Variants in CYB5B observed in about 807,000 individuals in gnomAD.
CYB5B encodes cytochrome b5 type B.
Under a neutral mutation model 21.3 loss-of-function variants are expected in CYB5B, and 14 were observed. The ratio of observed to expected loss-of-function variants is 0.66; its 90% confidence interval spans 0.43 to 1.03. CYB5B has a LOEUF of 1.03. Ranked by LOEUF, CYB5B falls within the 50% of genes least tolerant of loss-of-function variation. The pLI, the probability that CYB5B is intolerant of heterozygous loss-of-function variation, is 0.00. For synonymous variants in CYB5B, 69 were observed against 68.4 expected, an observed-to-expected ratio of 1.01 and a Z score of -0.04; for missense variants, 166 against 185.1, an observed-to-expected ratio of 0.90 and a Z score of 0.60.
chr16:69,444,457 G>T (rs986632708), intron 1 of CYB5B, among the ~76,000 whole-genome samples: 5 of 152,184 alleles, frequency 3.3e-5, no homozygotes, highest in Non-Finnish European at 5.9e-5. Context: ...AACTCCTCCA[G>T]CTGGGCTGCC....
chr16:69,433,007 G>A (rs1044349061), intron 1 of CYB5B, among the ~76,000 whole-genome samples: 15 of 151,972 alleles, frequency 9.9e-5, no homozygotes, highest in Non-Finnish European at 1.8e-4. Flanking sequence ...CGTGTTGGCC[G>A]GGCTGGTCTC....
At chr16:69,426,092 A>G (rs1162410009) in intron 1 of CYB5B, among the ~76,000 whole-genome samples, 1 of 152,200 alleles carries the variant, frequency 6.6e-6, no homozygotes, top group Non-Finnish European at 1.5e-5. Context: ...GGTGTATGGC[A>G]TTTTATGCTT....
At chr16:69,435,684 C>T (rs558742920) in intron 1 of CYB5B, among the ~76,000 whole-genome samples, 2 of 152,134 alleles carry the variant, frequency 1.3e-5, no homozygotes, top group African/African-American at 4.8e-5. Context: ...GTCTCCCAGG[C>T]TGGAGTGCAG....
At chr16:69,436,280 A>G (rs2014759353) in intron 1 of CYB5B, among the ~76,000 whole-genome samples, 1 of 152,196 alleles carries the variant, frequency 6.6e-6, no homozygotes, top group African/African-American at 2.4e-5. Flanking sequence ...AAAGATATTA[A>G]ATAAATAATT....
intron 3 of CYB5B, chr16:69,448,460 ATTATG>A (rs1415813145): frequency 3.2e-6 from 1 of 312,194 alleles, no homozygotes; most frequent in Non-Finnish European, 5.9e-6. Flanking sequence ...TTACTTTTAC[ATTATG>A]TAGGACAAGT....
At chr16:69,459,793 C>T in intron 4 of CYB5B, among the ~76,000 whole-genome samples, 1 of 151,816 alleles carries the variant, frequency 6.6e-6, no homozygotes, top group Non-Finnish European at 1.5e-5. Context: ...CTTTTTTTCC[C>T]ATAAAGTATC....
intron 3 of CYB5B, among the ~76,000 whole-genome samples, chr16:69,456,775 A>G (rs1022896362): frequency 2.0e-5 from 3 of 152,178 alleles, no homozygotes; most frequent in African/African-American, 4.8e-5. Flanking sequence ...ACTGGGGGGA[A>G]CTGTGCCTAG....
chr16:69,427,068 C>T (rs185001), intron 1 of CYB5B, among the ~76,000 whole-genome samples: 54,128 of 151,788 alleles, frequency 0.36, 10,623 homozygotes, highest in Admixed American at 0.46. Flanking sequence ...GGCGAAACCT[C>T]GTCTCTACTA....
intron 4 of CYB5B, among the ~76,000 whole-genome samples, chr16:69,461,167 C>G (rs543997776): frequency 6.6e-6 from 1 of 151,084 alleles, no homozygotes; most frequent in East Asian, 1.9e-4. Context: ...ATCGCGCCAC[C>G]GCACTCCGGC....
chr16:69,455,436 C>A (rs2014974577), intron 3 of CYB5B, among the ~76,000 whole-genome samples: 2 of 136,810 alleles, frequency 1.5e-5, no homozygotes, highest in Non-Finnish European at 3.1e-5. Context: ...GGGACGAAAT[C>A]TCACTCTTGT....
intron 4 of CYB5B, among the ~76,000 whole-genome samples, chr16:69,461,448 G>A (rs1005904929): frequency 2.6e-5 from 4 of 152,136 alleles, no homozygotes; most frequent in East Asian, 1.9e-4. Flanking sequence ...TCTGCTGTAC[G>A]TAAGCATACA....
At chr16:69,440,077 GT>G (rs557735079) in intron 1 of CYB5B, among the ~76,000 whole-genome samples, 136 of 150,976 alleles carry the variant, frequency 9.0e-4, no homozygotes, top group Middle Eastern at 6.8e-3. Context: ...GTCTTGCTGT[GT>G]TGCCCAGGCT....
chr16:69,428,375 G>A (rs1220196328), intron 1 of CYB5B, among the ~76,000 whole-genome samples: 1 of 151,934 alleles, frequency 6.6e-6, no homozygotes, highest in Non-Finnish European at 1.5e-5. Flanking sequence ...AAATAATACA[G>A]GGGGCTGGAC....
At chr16:69,429,799 G>A (rs1311757730) in intron 1 of CYB5B, among the ~76,000 whole-genome samples, 1 of 152,120 alleles carries the variant, frequency 6.6e-6, no homozygotes, top group African/African-American at 2.4e-5. Flanking sequence ...AGATGAGAGA[G>A]GGAAGATTTA....
At chr16:69,450,838 T>C (rs2014924247) in intron 3 of CYB5B, among the ~76,000 whole-genome samples, 1 of 152,186 alleles carries the variant, frequency 6.6e-6, no homozygotes, top group South Asian at 2.1e-4. Flanking sequence ...TCCATTTTCC[T>C]TCTTCTCCTT....
chr16:69,463,897 T>A lies in CYB5B; in HGVS notation c.*1377T>A, dbSNP rs1226700876. 6.6e-6 allele frequency: 1 copy of A among 152,240 alleles called. No homozygotes were observed. The highest frequency in any genetic ancestry group is 2.4e-5 in the African/African-American group (1 of 41,474). The allele number at this position is 152,240 out of a possible 1,614,324, so 9.4% of individuals were successfully genotyped here. ...TGATTTCTCTGGCATATTAGACTTT[T>A]ATTTTTTCCCCCATGGAAGCACTTG... On this transcript the variant is annotated 3_prime_UTR_variant, in exon 5 of 5. Coordinates refer to ENST00000307892, the MANE Select transcript of CYB5B (RefSeq NM_030579.3).
In CYB5B at chr16:69,462,455, A is replaced by G. The variant is rs576407250; in HGVS notation, c.388A>G (p.Ile130Val). ...TTGCTGGGCATATTGGATTTTACCC[A>G]TCATAGGCGCTGTTCTCTTAGGTTT... ...KSCWAYWILPIIGAVLLGFLY... is the reference protein window; with the variant it reads ...KSCWAYWILPVIGAVLLGFLY... The change falls in exon 5 of 5, where the codon ATC becomes GTC. Residue 130 changes from isoleucine (I) to valine (V), a missense_variant. Transcript: ENST00000307892. The G allele has an allele frequency of 1.2e-4, 186 of 1,614,098 alleles. No individual in the cohort carries two copies. Among genetic ancestry groups the G allele is most frequent in the Non-Finnish European group, 1.4e-4 (170 of 1,179,974 alleles).
intron 4 of CYB5B, among the ~76,000 whole-genome samples, chr16:69,461,468 G>A (rs2015035285): frequency 6.6e-6 from 1 of 152,174 alleles, no homozygotes; most frequent in Admixed American, 6.5e-5. Context: ...AGAGTGCTAG[G>A]CATGTTTAGG....
At position 69,451,442 on chromosome 16, in the gene CYB5B, T is replaced by G. The variant is rs1402023539; in HGVS notation, c.333+3298T>G. Reference sequence around the variant, plus strand: ...TCTGCCATCAGTTCAAGAGATAAAGTGCATACAAATCGTAACCTGACTAAA... The same window carrying G: ...TCTGCCATCAGTTCAAGAGATAAAGGGCATACAAATCGTAACCTGACTAAA... On this transcript the variant is annotated intron_variant, in intron 3 of 4. Coordinates refer to ENST00000307892, the MANE Select transcript of CYB5B (RefSeq NM_030579.3). Among the ~76,000 whole-genome samples the G allele has an allele frequency of 2.0e-5, 3 of 152,178 alleles. No homozygotes were observed. The East Asian group carries it at 5.8e-4, about 29-fold the overall frequency.
Sources: gnomAD v4.1 joint callset for allele counts (sites outside exome capture counted in the v4.1 genomes callset) on GRCh38, gnomAD v4.1.1 for gene constraint, MANE v1.5 for transcripts, NCBI Gene and HGNC (gene_info 2026-07-23, HGNC 2026-07-21) for gene names.